Variants in HMGCLL1 observed in about 807,000 individuals in gnomAD.
HMGCLL1 encodes the protein 3-hydroxymethyl-3-methylglutaryl-CoA lyase, cytoplasmic.
In HMGCLL1, 36 loss-of-function variants were observed where a neutral mutation model predicts 39.1. That is an observed-to-expected ratio of 0.92 (90% CI 0.71 to 1.22). HMGCLL1 has a LOEUF of 1.22. HMGCLL1 is among the 50% of genes most tolerant of loss of function. The pLI, the probability that HMGCLL1 is intolerant of heterozygous loss-of-function variation, is 0.00. For missense variants in HMGCLL1, 451 were observed against 416.5 expected, an observed-to-expected ratio of 1.08 and a Z score of -0.72; for synonymous variants, 149 against 144.0, an observed-to-expected ratio of 1.03 and a Z score of -0.25.
the HMGCLL1 span, among the ~76,000 whole-genome samples, chr6:55,656,944 G>A: frequency 6.6e-6 from 1 of 152,040 alleles, no homozygotes; most frequent in South Asian, 2.1e-4. Context: ...GTGAGAAGTG[G>A]TCAGATTCTG....
upstream of HMGCLL1, among the ~76,000 whole-genome samples, chr6:55,579,629 CT>C (rs1433126123): frequency 2.0e-5 from 3 of 152,054 alleles, no homozygotes; most frequent in Non-Finnish European, 4.4e-5. Context: ...ATCCAACAGT[CT>C]AATGAAAAGG....
upstream of HMGCLL1, among the ~76,000 whole-genome samples, chr6:55,581,777 A>G (rs1437765589): frequency 6.6e-6 from 1 of 151,998 alleles, no homozygotes; most frequent in Non-Finnish European, 1.5e-5. Flanking sequence ...TGCACTCTAT[A>G]CTATGCTTGC....
intron 6 of HMGCLL1, among the ~76,000 whole-genome samples, chr6:55,497,399 T>C (rs1314935347): frequency 1.3e-5 from 2 of 152,180 alleles, no homozygotes; most frequent in Non-Finnish European, 2.9e-5. Flanking sequence ...TAAAAGCCAT[T>C]TGACACACAA....
At chr6:55,445,747 G>C (rs1763801425) in intron 7 of HMGCLL1, among the ~76,000 whole-genome samples, 1 of 151,980 alleles carries the variant, frequency 6.6e-6, no homozygotes, top group Non-Finnish European at 1.5e-5. Flanking sequence ...AAGCAAAACA[G>C]TTATTCTTTG....
At chr6:55,667,990 G>A in the HMGCLL1 span, among the ~76,000 whole-genome samples, 3 of 151,576 alleles carry the variant, frequency 2.0e-5, no homozygotes, top group Admixed American at 6.6e-5. Context: ...CTATGCTTGG[G>A]GAATTTTCCT....
At chr6:55,567,719 G>A (rs1300121592) in intron 1 of HMGCLL1, among the ~76,000 whole-genome samples, 1 of 152,020 alleles carries the variant, frequency 6.6e-6, no homozygotes, top group Non-Finnish European at 1.5e-5. Flanking sequence ...TGTGGTCTGG[G>A]TCATGCCCTT....
chr6:55,524,671 C>T (rs1345861920), intron 3 of HMGCLL1, among the ~76,000 whole-genome samples: 1 of 151,816 alleles, frequency 6.6e-6, no homozygotes, highest in Non-Finnish European at 1.5e-5. Flanking sequence ...GTAAATGACT[C>T]TCAAACTGAA....
intron 7 of HMGCLL1, among the ~76,000 whole-genome samples, chr6:55,489,320 A>C (rs1378861461): frequency 1.3e-5 from 2 of 152,076 alleles, no homozygotes; most frequent in Admixed American, 1.3e-4. Flanking sequence ...AGATATTGAA[A>C]ACAAGATTAA....
At chr6:55,458,315 A>G (rs1764413626) in intron 7 of HMGCLL1, among the ~76,000 whole-genome samples, 1 of 152,176 alleles carries the variant, frequency 6.6e-6, no homozygotes, top group South Asian at 2.1e-4. Flanking sequence ...TCAAGGAGCC[A>G]GTTTTTAGTG....
chr6:55,493,081 T>C (rs895671591), intron 7 of HMGCLL1, among the ~76,000 whole-genome samples: 3 of 150,114 alleles, frequency 2.0e-5, no homozygotes, highest in Admixed American at 6.7e-5. Flanking sequence ...TACATTACAA[T>C]ATATGTATAT....
chr6:55,468,163 C>T (rs928407234), intron 7 of HMGCLL1, among the ~76,000 whole-genome samples: 5 of 151,954 alleles, frequency 3.3e-5, no homozygotes, highest in Non-Finnish European at 7.4e-5. Flanking sequence ...TGCAATGAAG[C>T]CACTAAAGGC....
the HMGCLL1 span, among the ~76,000 whole-genome samples, chr6:55,663,646 T>C: frequency 6.6e-6 from 1 of 151,868 alleles, no homozygotes; most frequent in Non-Finnish European, 1.5e-5. Flanking sequence ...AGAATGCATA[T>C]TCTATTGTTT....
At chr6:55,524,736 G>A (rs893299798) in intron 3 of HMGCLL1, among the ~76,000 whole-genome samples, 6 of 151,944 alleles carry the variant, frequency 3.9e-5, no homozygotes, top group South Asian at 4.1e-4. Flanking sequence ...GATCCTTGAA[G>A]ACAAAAGAAC....
At chr6:55,625,680 G>C in the HMGCLL1 span, among the ~76,000 whole-genome samples, 1 of 152,184 alleles carries the variant, frequency 6.6e-6, no homozygotes, top group African/African-American at 2.4e-5. Context: ...GAAATAGTCA[G>C]ATTTGCAATT....
intron 3 of HMGCLL1, among the ~76,000 whole-genome samples, chr6:55,528,380 C>T (rs370197064): frequency 3.3e-5 from 5 of 152,116 alleles, no homozygotes; most frequent in East Asian, 3.9e-4. Flanking sequence ...GCGATACATT[C>T]GTAAATTCAG....
the HMGCLL1 span, among the ~76,000 whole-genome samples, chr6:55,590,430 C>T: frequency 4.6e-5 from 7 of 152,048 alleles, no homozygotes; most frequent in African/African-American, 1.7e-4. Flanking sequence ...AAATGTTAGA[C>T]CTAAAACCAT....
At chr6:55,521,471 C>A (rs544253704) in intron 3 of HMGCLL1, among the ~76,000 whole-genome samples, 2 of 152,048 alleles carry the variant, frequency 1.3e-5, no homozygotes, top group Non-Finnish European at 2.9e-5. Flanking sequence ...CTATTGGCAT[C>A]ATTTTTCCAA....
At chr6:55,652,679 C>G in the HMGCLL1 span, among the ~76,000 whole-genome samples, 1 of 152,078 alleles carries the variant, frequency 6.6e-6, no homozygotes, top group African/African-American at 2.4e-5. Flanking sequence ...ACTTGAAACT[C>G]ATACAGCTCA....
chr6:55,475,218 A>G (rs72970084), intron 7 of HMGCLL1, among the ~76,000 whole-genome samples: 6,245 of 151,644 alleles, frequency 0.041, 173 homozygotes, highest in Non-Finnish European at 0.062. Context: ...TTTGTAATGA[A>G]GAATATTCTG....
Sources: allele counts gnomAD v4.1 joint callset (sites outside exome capture counted in the v4.1 genomes callset), GRCh38; gene constraint gnomAD v4.1.1; transcripts MANE v1.5; gene names NCBI Gene and HGNC (gene_info 2026-07-23, HGNC 2026-07-21).